SORCS3: variants seen among roughly 807,000 people sequenced by gnomAD.
The protein encoded by SORCS3 is sortilin related VPS10 domain containing receptor 3, also known as VPS10 domain-containing receptor SorCS3.
A neutral mutation model predicts 146.3 loss-of-function variants in SORCS3; 57 were observed. That is an observed-to-expected ratio of 0.39 (90% CI 0.31 to 0.49). The LOEUF (loss-of-function observed/expected upper bound fraction) is 0.49, where lower values mean the gene tolerates loss of function less well. Among genes scored for constraint, SORCS3 ranks in the 20% least tolerant of loss-of-function variants. The pLI is 0.92. For missense variants in SORCS3, 1,341 were observed against 1,575.5 expected, an observed-to-expected ratio of 0.85 and a Z score of 2.52; for synonymous variants, 653 against 618.5, an observed-to-expected ratio of 1.06 and a Z score of -0.83.
intron 14 of SORCS3, among the ~76,000 whole-genome samples, chr10:105,189,517 A>C (rs769269361): frequency 3.3e-5 from 5 of 152,210 alleles, no homozygotes; most frequent in Non-Finnish European, 7.3e-5. Context: ...AGGCAGTGAA[A>C]TCTGGAAAGT....
chr10:105,170,835 A>T (rs915766294), intron 13 of SORCS3, among the ~76,000 whole-genome samples: 1 of 152,158 alleles, frequency 6.6e-6, no homozygotes, highest in East Asian at 1.9e-4. Flanking sequence ...ATGTTTTCTT[A>T]TGAAATTGTT....
chr10:104,662,394 C>T (rs1589450183), intron 1 of SORCS3, among the ~76,000 whole-genome samples: 1 of 152,328 alleles, frequency 6.6e-6, no homozygotes, highest in East Asian at 1.9e-4. Context: ...GAAGTTTCTA[C>T]TATTATGAGC....
intron 4 of SORCS3, among the ~76,000 whole-genome samples, chr10:104,989,644 A>C (rs2054982505): frequency 6.6e-6 from 1 of 152,240 alleles, no homozygotes; most frequent in Non-Finnish European, 1.5e-5. Flanking sequence ...CTGTCTAAGC[A>C]GAATGTGATG....
intron 1 of SORCS3, among the ~76,000 whole-genome samples, chr10:104,642,910 C>T (rs1589444463): frequency 1.3e-5 from 2 of 152,330 alleles, no homozygotes; most frequent in East Asian, 3.9e-4. Context: ...GACTGAGCAT[C>T]GCGCCTGCCT....
At chr10:104,859,751 G>A (rs2018378733) in intron 2 of SORCS3, among the ~76,000 whole-genome samples, 1 of 152,006 alleles carries the variant, frequency 6.6e-6, no homozygotes, top group South Asian at 2.1e-4. Context: ...ATCAAAAAGT[G>A]GGCAAAGGAT....
chr10:105,142,075 G>T (rs2056099071), intron 8 of SORCS3, among the ~76,000 whole-genome samples: 1 of 152,088 alleles, frequency 6.6e-6, no homozygotes, highest in Non-Finnish European at 1.5e-5. Context: ...TTCCAGACTG[G>T]CCTTGGACTC....
intron 13 of SORCS3, among the ~76,000 whole-genome samples, chr10:105,174,752 T>G (rs2056386172): frequency 6.6e-6 from 1 of 152,152 alleles, no homozygotes; most frequent in Non-Finnish European, 1.5e-5. Context: ...GATCCGCTCT[T>G]TCCTCTAGCA....
chr10:105,049,341 TG>T (rs2055395694), intron 5 of SORCS3, among the ~76,000 whole-genome samples: 1 of 152,074 alleles, frequency 6.6e-6, no homozygotes, highest in African/African-American at 2.4e-5. Flanking sequence ...AAAGCTATTC[TG>T]TCAGTGATTT....
chr10:104,644,964 A>C (rs1160392711), intron 1 of SORCS3, among the ~76,000 whole-genome samples: 1 of 152,214 alleles, frequency 6.6e-6, no homozygotes, highest in Non-Finnish European at 1.5e-5. Context: ...TGTGTGCCCC[A>C]GGTGGTTGAG....
chr10:104,859,910 C>T (rs2018380739), intron 2 of SORCS3, among the ~76,000 whole-genome samples: 1 of 100,454 alleles, frequency 1.0e-5, no homozygotes, highest in African/African-American at 2.9e-5. Flanking sequence ...ATTAAAAAGT[C>T]AGGAAACAAC....
rs767607446 is a variant in SORCS3 at position 105,247,281 on chromosome 10, C to G, written c.3055C>G (p.Pro1019Ala). The change falls in exon 22 of 27, where the codon CCT becomes GCT. Residue 1019 changes from proline to alanine, a missense_variant. Pro to Ala is a conservative substitution (Grantham distance 27). Transcript: ENST00000369701. Reference sequence around the variant, plus strand: ...TCTGGATTACCACAATCCTGACATTCCTGAGTGGAGAAAAGATATTGGCAA... The same window carrying G: ...TCTGGATTACCACAATCCTGACATTGCTGAGTGGAGAAAAGATATTGGCAA... ...PNLDYHNPDI[P>A]EWRKDIGNVI... 6.2e-7 allele frequency: 1 copy of G among 1,613,064 alleles called. No individual in the cohort carries two copies. The highest frequency in any genetic ancestry group is 8.5e-7 in the Non-Finnish European group (1 of 1,179,214).
intron 7 of SORCS3, among the ~76,000 whole-genome samples, chr10:105,113,426 A>T (rs2055872189): frequency 6.6e-6 from 1 of 152,214 alleles, no homozygotes. Context: ...AATGATATTC[A>T]TTCATTAAAT....
At chr10:105,188,462 C>G (rs932799027) in intron 14 of SORCS3, among the ~76,000 whole-genome samples, 1 of 152,118 alleles carries the variant, frequency 6.6e-6, no homozygotes, top group East Asian at 1.9e-4. Flanking sequence ...AGAGCCTCAA[C>G]TGTGTACCAT....
chr10:104,967,294 G>A (rs2054831213), intron 3 of SORCS3, among the ~76,000 whole-genome samples: 1 of 152,160 alleles, frequency 6.6e-6, no homozygotes, highest in African/African-American at 2.4e-5. Flanking sequence ...TGCATGTAAA[G>A]TGAATGTAAT....
chr10:105,012,699 C>T (rs1337316670), intron 4 of SORCS3, among the ~76,000 whole-genome samples: 4 of 152,142 alleles, frequency 2.6e-5, no homozygotes, highest in Admixed American at 6.5e-5. Context: ...ACCAGTCAAG[C>T]GTAAGTAAAT....
chr10:104,784,329 A>C (rs2017407952), intron 1 of SORCS3, among the ~76,000 whole-genome samples: 1 of 152,124 alleles, frequency 6.6e-6, no homozygotes, highest in Non-Finnish European at 1.5e-5. Context: ...GGAGGCTGCT[A>C]TTCACCCTGC....
intron 1 of SORCS3, among the ~76,000 whole-genome samples, chr10:104,686,609 C>G (rs1398428913): frequency 6.6e-6 from 1 of 152,138 alleles, no homozygotes; most frequent in Non-Finnish European, 1.5e-5. Flanking sequence ...GAAGGCCACA[C>G]AAGTCTTCTC....
At chr10:105,158,798 TG>T in intron 10 of SORCS3, 93 bp from the exon 11 acceptor site, 2 of 919,718 alleles carry the variant, frequency 2.2e-6, no homozygotes, top group Non-Finnish European at 3.5e-6. Context: ...TTGCTATTTC[TG>T]GGAGCTGAAC....
chr10:104,849,238 GT>G (rs959245815), intron 2 of SORCS3, among the ~76,000 whole-genome samples: 3 of 151,648 alleles, frequency 2.0e-5, no homozygotes, highest in Non-Finnish European at 2.9e-5. Flanking sequence ...TGGTGAAACC[GT>G]GTCTCTACTA....
Sources: allele counts gnomAD v4.1 joint callset (sites outside exome capture counted in the v4.1 genomes callset), GRCh38; gene constraint gnomAD v4.1.1; transcripts MANE v1.5; gene names NCBI Gene and HGNC (gene_info 2026-07-23, HGNC 2026-07-21).